HPD: variants seen among roughly 807,000 people sequenced by gnomAD.
The protein encoded by HPD is 4-hydroxyphenylpyruvic acid oxidase.
A neutral mutation model predicts 56.9 loss-of-function variants in HPD; 35 were observed. The observed-to-expected ratio is 0.62, with a 90% CI of 0.47 to 0.82. The LOEUF is 0.82. HPD is among the 40% of genes least tolerant of loss of function. The pLI is 0.00. For synonymous variants in HPD, 186 were observed against 200.2 expected (o/e 0.93, Z 0.60); for missense variants, 442 against 506.8 (o/e 0.87, Z 1.23).
At chr12:121,856,447 C>T (rs747179920) in intron 5 of HPD, 41 bp from the exon 6 acceptor site, 2 of 1,604,282 alleles carry the variant, frequency 1.2e-6, no homozygotes, top group East Asian at 4.5e-5. Context: ...AGTCTGGAGT[C>T]TAGGTCCCCT....
chr12:121,864,877 A>G (rs1311976179), upstream of HPD, among the ~76,000 whole-genome samples: 1 of 151,968 alleles, frequency 6.6e-6, no homozygotes, highest in Non-Finnish European at 1.5e-5. Context: ...CAACAACAAC[A>G]ACAACAAAAA....
chr12:121,878,431 C>T, the HPD span, among the ~76,000 whole-genome samples: 1 of 152,290 alleles, frequency 6.6e-6, no homozygotes, highest in Non-Finnish European at 1.5e-5. Context: ...TCACTGCAAC[C>T]TCTACCTCCT....
At chr12:121,876,475 G>C in the HPD span, among the ~76,000 whole-genome samples, 1 of 152,102 alleles carries the variant, frequency 6.6e-6, no homozygotes, top group Non-Finnish European at 1.5e-5. Context: ...AGCTGATACG[G>C]GATCAAGGCC....
the HPD span, among the ~76,000 whole-genome samples, chr12:121,884,439 G>A: frequency 1.4e-4 from 22 of 151,840 alleles, no homozygotes; most frequent in African/African-American, 3.4e-4. Flanking sequence ...CCGGGATTAC[G>A]GGCGTGAACC....
intron 7 of HPD, among the ~76,000 whole-genome samples, chr12:121,854,092 A>T (rs1327981650): frequency 6.6e-6 from 1 of 152,000 alleles, no homozygotes; most frequent in East Asian, 1.9e-4. Context: ...TACTAAAAAT[A>T]CAAAAAAGAA....
chr12:121,887,526 A>G, the HPD span, among the ~76,000 whole-genome samples: 18,443 of 151,688 alleles, frequency 0.12, 1,561 homozygotes, highest in African/African-American at 0.23. Flanking sequence ...GTGTGCCACC[A>G]CACCCGGCTA....
intron 12 of HPD, among the ~76,000 whole-genome samples, chr12:121,841,076 C>A (rs1370216286): frequency 6.6e-6 from 1 of 152,074 alleles, no homozygotes; most frequent in East Asian, 1.9e-4. Context: ...GTGGCACACG[C>A]CTGTTATCCC....
chr12:121,861,477 G>T (rs1389029460), upstream of HPD, among the ~76,000 whole-genome samples: 1 of 152,012 alleles, frequency 6.6e-6, no homozygotes, highest in Non-Finnish European at 1.5e-5. Context: ...GCTCCAGCCT[G>T]GGCGACAGAA....
the HPD span, among the ~76,000 whole-genome samples, chr12:121,881,115 T>G: frequency 6.6e-6 from 1 of 152,220 alleles, no homozygotes; most frequent in Non-Finnish European, 1.5e-5. Flanking sequence ...TAAAAATTAC[T>G]TTCTGCTCTG....
chr12:121,844,210 C>T (rs901062498), intron 11 of HPD, among the ~76,000 whole-genome samples: 4 of 151,972 alleles, frequency 2.6e-5, no homozygotes, highest in Non-Finnish European at 4.4e-5. Flanking sequence ...CCATCACACT[C>T]AGCTATGTAT....
At chr12:121,875,336 C>A in the HPD span, among the ~76,000 whole-genome samples, 5 of 152,170 alleles carry the variant, frequency 3.3e-5, no homozygotes, top group Non-Finnish European at 7.4e-5. Context: ...AAAACAGTAA[C>A]CTTGGTTTGT....
At chr12:121,860,293 T>TCTTGTCACTTTGATTGCTG (rs1246248421), upstream of HPD, among the ~76,000 whole-genome samples, 1 of 152,098 alleles carries the variant, frequency 6.6e-6, no homozygotes, top group African/African-American at 2.4e-5. Flanking sequence ...AGCAGGAACA[T>TCTTGTCACTTTGATTGCTG]CTTGTCACTT....
At chr12:121,861,506 TAAAG>T (rs1434019744), upstream of HPD, among the ~76,000 whole-genome samples, 2 of 149,344 alleles carry the variant, frequency 1.3e-5, no homozygotes, top group African/African-American at 5.1e-5. Context: ...TGTCTCAAAA[TAAAG>T]AAATAAGTAA....
the HPD span, chr12:121,888,603 C>A: frequency 2.0e-6 from 1 of 510,516 alleles, no homozygotes; most frequent in East Asian, 3.4e-5. Context: ...CGTTGGTGTG[C>A]AATTGCGTGG....
intron 9 of HPD, among the ~76,000 whole-genome samples, chr12:121,847,504 A>G (rs1479947651): frequency 6.6e-6 from 1 of 151,996 alleles, no homozygotes; most frequent in East Asian, 1.9e-4. Context: ...GACTACAGGC[A>G]TGTGCTACCA....
the HPD span, among the ~76,000 whole-genome samples, chr12:121,883,388 C>T: frequency 1.3e-5 from 2 of 151,764 alleles, no homozygotes; most frequent in African/African-American, 2.4e-5. Context: ...GGTTAAAGTG[C>T]GCAACCTGAG....
the HPD span, among the ~76,000 whole-genome samples, chr12:121,881,574 A>T: frequency 6.6e-6 from 1 of 152,042 alleles, no homozygotes; most frequent in Non-Finnish European, 1.5e-5. Flanking sequence ...GGGGTGGGGT[A>T]AGAGACCCCA....
At chr12:121,841,140 T>G (rs538191150) in intron 12 of HPD, among the ~76,000 whole-genome samples, 34 of 149,916 alleles carry the variant, frequency 2.3e-4, no homozygotes, top group Admixed American at 1.0e-3. Context: ...AAGTGGAGGT[T>G]GCAGTGAGCC....
the HPD span, among the ~76,000 whole-genome samples, chr12:121,869,428 C>A: frequency 9.3e-5 from 14 of 151,306 alleles, no homozygotes; most frequent in Admixed American, 4.0e-4. Flanking sequence ...AACTCCTGGG[C>A]TCAGGGGGTC....
Sources: gnomAD v4.1 joint callset for allele counts (sites outside exome capture counted in the v4.1 genomes callset) on GRCh38, gnomAD v4.1.1 for gene constraint, MANE v1.5 for transcripts, NCBI Gene and HGNC (gene_info 2026-07-23, HGNC 2026-07-21) for gene names.